LRP2: variants seen among roughly 807,000 people sequenced by gnomAD.
LRP2 encodes low-density lipoprotein receptor-related protein 2.
A neutral mutation model predicts 531.0 loss-of-function variants in LRP2; 172 were observed. The ratio of observed to expected loss-of-function variants is 0.32; its 90% confidence interval spans 0.29 to 0.37. The LOEUF is 0.37. Among genes scored for constraint, LRP2 ranks in the 10% least tolerant of loss-of-function variants. LRP2 has a pLI of 1.00. For synonymous variants in LRP2, 1,992 were observed against 2,027.6 expected, an observed-to-expected ratio of 0.98 and a Z score of 0.47; for missense variants, 5,167 against 5,868.3, an observed-to-expected ratio of 0.88 and a Z score of 3.90.
intron 1 of LRP2, among the ~76,000 whole-genome samples, chr2:169,341,702 T>C (rs1332390345): frequency 6.6e-6 from 1 of 152,208 alleles, no homozygotes; most frequent in Non-Finnish European, 1.5e-5. Flanking sequence ...TAGAGTTAAG[T>C]ATGTGAGGCC....
chr2:169,327,449 A>G (rs7593537), intron 1 of LRP2, among the ~76,000 whole-genome samples: 1 of 53,294 alleles, frequency 1.9e-5, no homozygotes, highest in Non-Finnish European at 3.7e-5. Context: ...GGGGATCAGC[A>G]CCCCGCCCGG....
chr2:169,172,063 A>G lies in LRP2; in HGVS notation c.11215T>C (p.Cys3739Arg). 6.2e-7 allele frequency: 1 copy of G among 1,614,206 alleles called. No homozygotes were observed. Among genetic ancestry groups the G allele is most frequent in the Non-Finnish European group, 8.5e-7 (1 of 1,180,022 alleles). Residue 3739 changes from cysteine (C) to arginine (R), a missense_variant, in exon 58 of 79, where the codon TGT (cysteine) becomes CGT (arginine). Transcript: ENST00000649046. ...NHHCIPLRWQ[C>R]DGQNDCGDNS... ...TCTCCACAGTCATTTTGCCCATCAC[A>G]CTGCCAACGAAGAGGGATGCAGTGG... is the stretch of plus-strand genomic sequence containing the variant.
chr2:169,296,669 T>C (rs924152135), intron 4 of LRP2, among the ~76,000 whole-genome samples: 1 of 152,118 alleles, frequency 6.6e-6, no homozygotes, highest in Non-Finnish European at 1.5e-5. Context: ...GGCTACTTCA[T>C]TTAAGGTGAT....
chr2:169,256,381 AAC>A (rs1690304557), intron 18 of LRP2, 145 bp from the exon 19 acceptor site: 4 of 549,502 alleles, frequency 7.3e-6, no homozygotes, highest in Non-Finnish European at 1.2e-5. Context: ...TTAAAAATTT[AAC>A]AGTTTTATGT....
intron 1 of LRP2, among the ~76,000 whole-genome samples, chr2:169,327,891 T>G (rs1330815699): frequency 1.9e-3 from 86 of 44,496 alleles, no homozygotes; most frequent in Non-Finnish European, 2.3e-3. Flanking sequence ...GGTGGGGGGG[T>G]CAGCCCCCCG....
chr2:169,161,896 T>C (rs2105370043), intron 63 of LRP2, among the ~76,000 whole-genome samples: 1 of 152,330 alleles, frequency 6.6e-6, no homozygotes, highest in South Asian at 2.1e-4. Flanking sequence ...TGGCTTAAGA[T>C]TTTTTTCATG....
intron 58 of LRP2, 135 bp downstream of exon 58, chr2:169,171,879 CA>C: frequency 9.5e-7 from 1 of 1,050,542 alleles, no homozygotes; most frequent in African/African-American, 1.6e-5. Context: ...TACTGACCAG[CA>C]GAAAGAAAGA....
intron 1 of LRP2, among the ~76,000 whole-genome samples, chr2:169,342,570 T>C (rs1243727351): frequency 2.0e-5 from 3 of 152,172 alleles, no homozygotes; most frequent in African/African-American, 7.2e-5. Flanking sequence ...TAGCTTGACA[T>C]ACAAAATCCT....
At chr2:169,142,971 G>A (rs2105343182) in intron 70 of LRP2, among the ~76,000 whole-genome samples, 178 bp from the exon 71 acceptor site, 1 of 152,272 alleles carries the variant, frequency 6.6e-6, no homozygotes, top group East Asian at 1.9e-4. Context: ...CCACCACACT[G>A]CAGTGGGATA....
At chr2:169,166,091 A>G (rs770970615) in intron 61 of LRP2, 37 bp from the exon 62 acceptor site, 1 of 1,611,306 alleles carries the variant, frequency 6.2e-7, no homozygotes, top group East Asian at 2.2e-5. Context: ...TTACAAGTTA[A>G]CAGTAGAATC....
chr2:169,234,632 A>G (rs916135961), intron 29 of LRP2, among the ~76,000 whole-genome samples: 10 of 152,152 alleles, frequency 6.6e-5, no homozygotes, highest in Non-Finnish European at 1.5e-4. Context: ...TCCTTTGGGT[A>G]TATACCCAGT....
intron 25 of LRP2, among the ~76,000 whole-genome samples, chr2:169,240,335 G>GCC (rs1343787673): frequency 6.6e-6 from 1 of 152,196 alleles, no homozygotes; most frequent in African/African-American, 2.4e-5. Flanking sequence ...CAGTTCACAT[G>GCC]CCTGGGGATG....
chr2:169,129,763 CA>C (rs1443448085), intron 77 of LRP2, among the ~76,000 whole-genome samples: 1 of 152,154 alleles, frequency 6.6e-6, no homozygotes, highest in African/African-American at 2.4e-5. Flanking sequence ...TCAGGGGACC[CA>C]GAGGCCCATA....
Position 169,150,886 on chromosome 2 carries a change from C to G in LRP2, c.12590+12G>C. 6.2e-7 allele frequency: 1 copy of G among 1,613,906 alleles called. No homozygotes were observed. Among genetic ancestry groups the G allele is most frequent in the South Asian group, 1.1e-5 (1 of 91,080 alleles). On this transcript the variant is annotated intron_variant, in intron 68 of 78. Coordinates refer to ENST00000649046, the MANE Select transcript of LRP2 (RefSeq NM_004525.3). ...AAATATCTAGATGTTGAAGACTTCT[C>G]CAAGTACTTACCCTAGTTTGGGATT...
At chr2:169,297,659 G>GT (rs897036697) in intron 4 of LRP2, among the ~76,000 whole-genome samples, 1 of 152,078 alleles carries the variant, frequency 6.6e-6, no homozygotes, top group Non-Finnish European at 1.5e-5. Flanking sequence ...GCAGACAAGA[G>GT]TTTTTATATT....
chr2:169,217,046 G>C (rs75241704), intron 34 of LRP2, among the ~76,000 whole-genome samples: 2 of 152,006 alleles, frequency 1.3e-5, no homozygotes, highest in Non-Finnish European at 2.9e-5. Flanking sequence ...ATTTCACAGC[G>C]ATCAGGTACA....
Position 169,212,180 on chromosome 2 carries a change from C to T in LRP2, c.6068G>A (p.Ser2023Asn), listed in dbSNP as rs1456535139. 6.2e-7 allele frequency: 1 copy of T among 1,613,932 alleles called. No homozygotes were observed. The highest frequency in any genetic ancestry group is 1.3e-5 in the African/African-American group (1 of 74,912). ...RNAAESSNGC[S>N]NNMNACQQIC... ...CTGCTGACAGGCATTCATGTTGTTG[C>T]TACAGCCATTTGAGGATTCGGCGGC... Residue 2023 changes from serine (S) to asparagine (N), a missense_variant, in exon 37 of 79, where the codon AGC (serine) becomes AAC (asparagine). Ser to Asn is a conservative substitution (Grantham distance 46). Around this residue, in one of 6 missense-constraint regions of LRP2, gnomAD observed 2,811 missense variants for 3,058.0 expected, o/e 0.92. Transcript: ENST00000649046.
At position 169,239,591 on chromosome 2, in the gene LRP2, A is replaced by T. The variant is rs759345163; in HGVS notation, c.4230T>A (p.Ser1410=). 1 of 1,614,150 alleles carries T rather than the reference A, an allele frequency of 6.2e-7. No homozygotes were observed. Among genetic ancestry groups the T allele is most frequent in the South Asian group, 1.1e-5 (1 of 91,080 alleles). The part of the protein sequence containing the change: ...CSQHCYNMRG[S]FRCSCDTGYM... ...AGCCTGTATCACACGAGCACCGGAA[A>T]GAACCTCTCATATTGTAACAGTGCT... Residue 1410 remains serine, a synonymous_variant, in exon 26 of 79, where the codon TCT becomes TCA. Transcript: ENST00000649046.
Position 169,239,640 on chromosome 2 carries a change from C to T in LRP2, c.4181G>A (p.Cys1394Tyr), listed in dbSNP as rs767869932. ...CTGGCTACAAGAGCCTAGAATATCA[C>T]ATTCATCTATGTCTTCACAGGTCTT... is the stretch of plus-strand genomic sequence containing the variant. ...DSKTCEDIDE[C>Y]DILGSCSQHC... Residue 1394 changes from cysteine (C) to tyrosine (Y), a missense_variant, in exon 26 of 79, where the codon TGT becomes TAT. Cys to Tyr is a radical substitution (Grantham distance 194). Around this residue, in one of 6 missense-constraint regions of LRP2, gnomAD observed 2,811 missense variants for 3,058.0 expected, o/e 0.92. Coordinates refer to ENST00000649046, the MANE Select transcript of LRP2 (RefSeq NM_004525.3). The T allele has an allele frequency of 2.8e-5, 46 of 1,614,096 alleles. No homozygotes were observed. The highest frequency in any genetic ancestry group is 3.9e-5 in the Non-Finnish European group (46 of 1,179,952).
Sources: gnomAD v4.1 joint callset for allele counts (sites outside exome capture counted in the v4.1 genomes callset) on GRCh38, gnomAD v4.1.1 for gene constraint, gnomAD v4.1.1 regional missense constraint, MANE v1.5 for transcripts, NCBI Gene and HGNC (gene_info 2026-07-23, HGNC 2026-07-21) for gene names.